ZNG1B: variants seen among roughly 807,000 people sequenced by gnomAD.
The protein encoded by ZNG1B is zinc-regulated GTPase metalloprotein activator 1B.
chr2:113,483,259 G>A, the ZNG1B span, among the ~76,000 whole-genome samples: 4 of 150,872 alleles, frequency 2.7e-5, no homozygotes, highest in African/African-American at 4.8e-5. Flanking sequence ...TTCCATGAGC[G>A]TTTGGGGCGG....
At chr2:113,487,530 C>T in the ZNG1B span, among the ~76,000 whole-genome samples, 2 of 151,490 alleles carry the variant, frequency 1.3e-5, no homozygotes, top group African/African-American at 4.9e-5. Flanking sequence ...CAGCCCCTCC[C>T]AATTTTCGTC....
chr2:113,464,943 G>A, the ZNG1B span, among the ~76,000 whole-genome samples: 3 of 151,800 alleles, frequency 2.0e-5, no homozygotes, highest in Non-Finnish European at 2.9e-5. Flanking sequence ...GTGATTTATT[G>A]TTTGAAGGAA....
At chr2:113,466,140 T>A in the ZNG1B span, 2 of 972,842 alleles carry the variant, frequency 2.1e-6, no homozygotes, top group Non-Finnish European at 2.4e-6. Context: ...TTGTAGAAAG[T>A]CTCTGATAAT....
the ZNG1B span, chr2:113,444,938 G>A: frequency 6.2e-7 from 1 of 1,608,282 alleles, no homozygotes; most frequent in Non-Finnish European, 8.5e-7. Context: ...GTAATTAACT[G>A]TAAATGATGT....
chr2:113,467,196 CAAT>C, the ZNG1B span, among the ~76,000 whole-genome samples: 1 of 146,810 alleles, frequency 6.8e-6, no homozygotes, highest in African/African-American at 2.5e-5. Context: ...CAAGTACTGA[CAAT>C]AAACTGCTAT....
At chr2:113,455,588 A>G in the ZNG1B span, 1 of 1,287,200 alleles carries the variant, frequency 7.8e-7, no homozygotes, top group Non-Finnish European at 1.0e-6. Flanking sequence ...AGAGAATGAA[A>G]TCATCCCACC....
At chr2:113,476,290 G>T in the ZNG1B span, among the ~76,000 whole-genome samples, 2 of 151,754 alleles carry the variant, frequency 1.3e-5, no homozygotes, top group Non-Finnish European at 2.9e-5. Flanking sequence ...ATCGGCTCCT[G>T]AGGCTTCTGC....
chr2:113,454,346 T>C, the ZNG1B span, among the ~76,000 whole-genome samples: 1 of 152,112 alleles, frequency 6.6e-6, no homozygotes, highest in South Asian at 2.1e-4. Context: ...AGAAAAGTCT[T>C]GATTTTGATT....
the ZNG1B span, among the ~76,000 whole-genome samples, chr2:113,478,435 C>T: frequency 6.8e-6 from 1 of 148,092 alleles, no homozygotes; most frequent in South Asian, 2.1e-4. Flanking sequence ...GTCACCATGC[C>T]TGACTAATTT....
chr2:113,457,775 C>T, the ZNG1B span, among the ~76,000 whole-genome samples: 1 of 140,542 alleles, frequency 7.1e-6, no homozygotes, highest in African/African-American at 2.6e-5. Context: ...GTGGTAAGAA[C>T]AGTTAAGATC....
At chr2:113,476,934 G>A in the ZNG1B span, among the ~76,000 whole-genome samples, 18 of 152,184 alleles carry the variant, frequency 1.2e-4, no homozygotes, top group Non-Finnish European at 2.2e-4. Flanking sequence ...TGTCAGACAG[G>A]GACACTTAAG....
chr2:113,462,497 A>G, the ZNG1B span: 196 of 1,593,916 alleles, frequency 1.2e-4, no homozygotes, highest in Non-Finnish European at 1.6e-4. Context: ...ACAATTAGGT[A>G]CGAAATGATA....
the ZNG1B span, chr2:113,466,077 T>C: frequency 1.1e-6 from 1 of 938,380 alleles, no homozygotes; most frequent in South Asian, 5.0e-5. Flanking sequence ...ATGCCCTTAG[T>C]GTAAATCCTC....
chr2:113,447,945 G>T, the ZNG1B span: 1 of 398,802 alleles, frequency 2.5e-6, no homozygotes, highest in African/African-American at 2.1e-5. Flanking sequence ...GTGAGGGCTG[G>T]AATCATCTTT....
the ZNG1B span, among the ~76,000 whole-genome samples, chr2:113,488,167 C>A: frequency 2.0e-5 from 3 of 152,036 alleles, no homozygotes; most frequent in African/African-American, 7.2e-5. Context: ...GCTGAGAGAC[C>A]CACAGATGGT....
the ZNG1B span, among the ~76,000 whole-genome samples, chr2:113,476,301 A>G: frequency 6.6e-6 from 1 of 151,568 alleles, no homozygotes; most frequent in Non-Finnish European, 1.5e-5. Context: ...AGGCTTCTGC[A>G]TTCTTCACGT....
chr2:113,490,114 C>G, the ZNG1B span, among the ~76,000 whole-genome samples: 25 of 150,944 alleles, frequency 1.7e-4, no homozygotes, highest in Non-Finnish European at 2.2e-4. Context: ...TGATAGCCAA[C>G]AAAATGAGCC....
chr2:113,456,222 A>G, the ZNG1B span, among the ~76,000 whole-genome samples: 16 of 152,126 alleles, frequency 1.1e-4, no homozygotes, highest in Non-Finnish European at 2.1e-4. Context: ...GAATTTATGA[A>G]TATAATTTAA....
the ZNG1B span, among the ~76,000 whole-genome samples, chr2:113,440,590 C>T: frequency 1.1e-4 from 17 of 151,800 alleles, no homozygotes; most frequent in African/African-American, 3.9e-4. Context: ...ATATTAATAC[C>T]CTAATACTCT....
Sources: allele counts gnomAD v4.1 joint callset (sites outside exome capture counted in the v4.1 genomes callset), GRCh38; gene constraint gnomAD v4.1.1; transcripts MANE v1.5; gene names NCBI Gene and HGNC (gene_info 2026-07-23, HGNC 2026-07-21).